The following MACO1 variants were observed in gnomAD, a reference collection of about 807,000 sequenced individuals.
MACO1 encodes macoilin 1.
A neutral mutation model predicts 78.7 loss-of-function variants in MACO1; 14 were observed. The ratio of observed to expected loss-of-function variants is 0.18; its 90% CI spans 0.12 to 0.28. MACO1 has a LOEUF of 0.28. Ranked by LOEUF, MACO1 falls within the 10% of genes least tolerant of loss-of-function variation. MACO1 has a pLI of 1.00. For synonymous variants in MACO1, 288 were observed against 291.6 expected (o/e 0.99, Z 0.12); for missense variants, 501 against 799.0 (o/e 0.63, Z 4.50).
rs1394414050 is a variant in MACO1, at chr1:25,498,448, C to T, written c.1977C>T (p.Tyr659=). 6.2e-7 allele frequency: 1 copy of T among 1,611,430 alleles called. No homozygotes were observed. Residue 659 remains tyrosine (Y), a synonymous_variant, in exon 11 of 11, where the codon TAC becomes TAT. Coordinates refer to ENST00000374343, the MANE Select transcript of MACO1 (RefSeq NM_018202.6). ...GACTTGACCCCAATGCCTCTGTTTA[C>T]CAGCCCCTGAAGAAATGAAGGCCAG... ...PSGLDPNASV[Y]QPLKK is the part of the protein sequence containing the mutation.
intron 6 of MACO1, among the ~76,000 whole-genome samples, chr1:25,462,400 A>C (rs184046379): frequency 6.6e-6 from 1 of 152,056 alleles, no homozygotes; most frequent in Non-Finnish European, 1.5e-5. Flanking sequence ...CCCATCACCT[A>C]GACAGTGAAC....
chr1:25,448,146 A>G (rs1380456586), intron 2 of MACO1, among the ~76,000 whole-genome samples: 1 of 119,488 alleles, frequency 8.4e-6, no homozygotes, highest in African/African-American at 2.6e-5. Context: ...GTGAGGAGAG[A>G]GAAGACTTTT....
At chr1:25,492,599 T>C (rs2043496866) in intron 10 of MACO1, among the ~76,000 whole-genome samples, 1 of 151,268 alleles carries the variant, frequency 6.6e-6, no homozygotes, top group Admixed American at 6.6e-5. Context: ...CAGACAGGAG[T>C]AACAGCAGTC....
intron 9 of MACO1, among the ~76,000 whole-genome samples, chr1:25,491,154 G>C (rs2043482199): frequency 6.6e-6 from 1 of 152,204 alleles, no homozygotes; most frequent in Admixed American, 6.5e-5. Flanking sequence ...TAAGAAAAGT[G>C]TTTTATTTGG....
At chr1:25,473,880 C>G (rs2043296641) in intron 6 of MACO1, among the ~76,000 whole-genome samples, 1 of 152,172 alleles carries the variant, frequency 6.6e-6, no homozygotes, top group Admixed American at 6.5e-5. Context: ...AATGACAACT[C>G]TCCTCTATCA....
At chr1:25,472,333 T>C (rs1482746746) in intron 6 of MACO1, among the ~76,000 whole-genome samples, 1 of 152,108 alleles carries the variant, frequency 6.6e-6, no homozygotes, top group Non-Finnish European at 1.5e-5. Flanking sequence ...TCATCTACAT[T>C]AGGTATTTCT....
intron 10 of MACO1, among the ~76,000 whole-genome samples, chr1:25,496,453 T>C (rs1376160719): frequency 6.6e-6 from 1 of 152,128 alleles, no homozygotes; most frequent in Non-Finnish European, 1.5e-5. Context: ...TGGCCAGCAT[T>C]TAAGTTTCTG....
At chr1:25,445,084 A>G (rs2043003770) in intron 1 of MACO1, among the ~76,000 whole-genome samples, 1 of 148,362 alleles carries the variant, frequency 6.7e-6, no homozygotes, top group Non-Finnish European at 1.5e-5. Flanking sequence ...GGAGGAGCCC[A>G]GGAGTTTGAG....
chr1:25,487,320 C>A (rs35945278), intron 8 of MACO1, among the ~76,000 whole-genome samples: 86,783 of 151,774 alleles, frequency 0.57, 26,294 homozygotes, highest in African/African-American at 0.77. Context: ...TGCCCAGCAA[C>A]TTTTTGTATT....
Position 25,498,597 on chromosome 1 carries a change from A to G in MACO1, c.*131A>G, listed in dbSNP as rs1051852312. 5 of 862,866 alleles carry G rather than the reference A, an allele frequency of 5.8e-6. No homozygotes were observed. Among genetic ancestry groups the G allele is most frequent in the African/African-American group, 5.1e-5 (3 of 58,802 alleles). The allele number at this position is 862,866 out of a possible 1,614,324, so 53.5% of individuals were successfully genotyped here. A position where few individuals can be genotyped will look rare whatever the true frequency, so the allele number is the denominator to read the frequency against. On this transcript the variant is annotated 3_prime_UTR_variant, in exon 11 of 11. Coordinates refer to ENST00000374343, the MANE Select transcript of MACO1 (RefSeq NM_018202.6). ...ACTGTATCTGTTGTCATTTTTAAAA[A>G]GGGGGGAAAAGATAACATCCAAGTC... is the stretch of plus-strand genomic sequence containing the variant.
chr1:25,459,521 A>C (rs574681090), intron 6 of MACO1, among the ~76,000 whole-genome samples: 2 of 144,642 alleles, frequency 1.4e-5, no homozygotes, highest in East Asian at 4.1e-4. Context: ...GTCTTGCTCT[A>C]TTGCCCAGGC....
chr1:25,464,312 T>G (rs980603431), intron 6 of MACO1, among the ~76,000 whole-genome samples: 1 of 150,768 alleles, frequency 6.6e-6, no homozygotes, highest in Non-Finnish European at 1.5e-5. Flanking sequence ...GATTCCTCCA[T>G]GTCTTCTATA....
At chr1:25,443,899 G>A (rs1053230731) in intron 1 of MACO1, among the ~76,000 whole-genome samples, 1 of 151,922 alleles carries the variant, frequency 6.6e-6, no homozygotes, top group African/African-American at 2.4e-5. Context: ...GCTCCATGGG[G>A]AAAAGGATTA....
chr1:25,435,570 G>A (rs531838431), intron 1 of MACO1, among the ~76,000 whole-genome samples: 1 of 152,042 alleles, frequency 6.6e-6, no homozygotes, highest in Non-Finnish European at 1.5e-5. Flanking sequence ...GACTCCTTTG[G>A]GCTATGCTTA....
chr1:25,460,095 G>A (rs1179102479), intron 6 of MACO1, among the ~76,000 whole-genome samples: 1 of 152,168 alleles, frequency 6.6e-6, no homozygotes, highest in African/African-American at 2.4e-5. Context: ...TTAATTTTCT[G>A]ATTGGCAGTT....
At position 25,454,400 on chromosome 1, in the gene MACO1, G is replaced by A. The variant is rs184397361; in HGVS notation, c.473+18G>A. On this transcript the variant is annotated intron_variant, in intron 4 of 10. Transcript: ENST00000374343. ...GCTCACTGGTAAGTATTACATAAATGTATGTGTGTGTGTGTGTATATGTGT... is the reference window on the plus strand; with the variant it reads ...GCTCACTGGTAAGTATTACATAAATATATGTGTGTGTGTGTGTATATGTGT... The A allele has an allele frequency of 2.6e-4, 406 of 1,550,754 alleles. No individual in the cohort carries two copies. Among genetic ancestry groups the A allele is most frequent in the Non-Finnish European group, 3.4e-4 (393 of 1,143,362 alleles).
chr1:25,461,577 C>A (rs1391812984), intron 6 of MACO1, among the ~76,000 whole-genome samples: 1 of 151,574 alleles, frequency 6.6e-6, no homozygotes, highest in Non-Finnish European at 1.5e-5. Context: ...TCTTCCTTCC[C>A]CCCCCTCAAA....
intron 6 of MACO1, among the ~76,000 whole-genome samples, chr1:25,466,610 G>T (rs2043221806): frequency 6.6e-6 from 1 of 152,236 alleles, no homozygotes; most frequent in Non-Finnish European, 1.5e-5. Context: ...ACCTCACCCG[G>T]CCAGTTCAGC....
At chr1:25,472,081 T>G (rs1197294094) in intron 6 of MACO1, among the ~76,000 whole-genome samples, 1 of 152,130 alleles carries the variant, frequency 6.6e-6, no homozygotes, top group Non-Finnish European at 1.5e-5. Flanking sequence ...TAATCTCAGT[T>G]TGCCTTGTCT....
Sources: gnomAD v4.1 joint callset for allele counts (sites outside exome capture counted in the v4.1 genomes callset) on GRCh38, gnomAD v4.1.1 for gene constraint, MANE v1.5 for transcripts, NCBI Gene and HGNC (gene_info 2026-07-23, HGNC 2026-07-21) for gene names.